ZFPM2: variants seen among roughly 807,000 people sequenced by gnomAD.
ZFPM2 encodes zinc finger protein, FOG family member 2, also known as zinc finger protein ZFPM2.
A neutral mutation model predicts 98.6 loss-of-function variants in ZFPM2; 20 were observed. That is an observed-to-expected ratio of 0.20 (90% confidence interval 0.14 to 0.29). ZFPM2 has a LOEUF of 0.29. Among genes scored for constraint, ZFPM2 ranks in the 10% least tolerant of loss-of-function variants. The pLI is 1.00. For synonymous variants in ZFPM2, 518 were observed against 502.7 expected (o/e 1.03, Z -0.41); for missense variants, 1,310 against 1,388.6 (o/e 0.94, Z 0.90).
At chr8:105,586,461 C>T (rs1290567615) in intron 4 of ZFPM2, among the ~76,000 whole-genome samples, 5 of 151,912 alleles carry the variant, frequency 3.3e-5, no homozygotes, top group Non-Finnish European at 5.9e-5. Context: ...CTCATTCTGT[C>T]GCCCAGGCTG....
intron 3 of ZFPM2, among the ~76,000 whole-genome samples, chr8:105,536,089 T>A (rs1485267727): frequency 1.3e-5 from 2 of 152,152 alleles, no homozygotes; most frequent in African/African-American, 2.4e-5. Context: ...TGAAATCACA[T>A]TATAGTTTAA....
rs112325895 is a variant in ZFPM2, at chr8:105,762,630, G to A, written c.533-26088G>A. ...AATGGAGTTTCTATTCAGGAGTGTC[G>A]TTCATATAAATATTTTTGCACATTT... On this transcript the variant is annotated intron_variant, in intron 5 of 7. Transcript: ENST00000407775. Among the ~76,000 whole-genome samples, 1,068 of 151,958 alleles carry A rather than the reference G, an allele frequency of 7.0e-3. 13 individuals carry two copies. Among genetic ancestry groups the A allele is most frequent in the African/African-American group, 0.024 (991 of 41,482 alleles).
intron 3 of ZFPM2, among the ~76,000 whole-genome samples, chr8:105,451,968 A>T (rs1271965309): frequency 6.6e-6 from 1 of 152,202 alleles, no homozygotes; most frequent in East Asian, 1.9e-4. Flanking sequence ...AAAAGACTGG[A>T]TAAAGGAAAA....
At chr8:105,337,073 C>A (rs2129645797) in intron 1 of ZFPM2, among the ~76,000 whole-genome samples, 1 of 151,814 alleles carries the variant, frequency 6.6e-6, no homozygotes, top group South Asian at 2.1e-4. Context: ...TTTGGATGAC[C>A]TGAACACATA....
chr8:105,378,987 G>A (rs1810786005), intron 1 of ZFPM2, among the ~76,000 whole-genome samples: 1 of 152,122 alleles, frequency 6.6e-6, no homozygotes, highest in Non-Finnish European at 1.5e-5. Flanking sequence ...TAGGTAAATA[G>A]GTAGAGATAT....
At chr8:105,769,237 GA>G (rs1305370228) in intron 5 of ZFPM2, among the ~76,000 whole-genome samples, 4 of 151,918 alleles carry the variant, frequency 2.6e-5, no homozygotes, top group African/African-American at 9.7e-5. Context: ...ACATTTATAT[GA>G]AAATAAAAGT....
intron 1 of ZFPM2, among the ~76,000 whole-genome samples, chr8:105,332,626 A>G (rs1183495637): frequency 2.6e-5 from 4 of 151,784 alleles, no homozygotes; most frequent in African/African-American, 9.6e-5. Flanking sequence ...TCTCCCTTCA[A>G]TTAGTGCATT....
intron 6 of ZFPM2, among the ~76,000 whole-genome samples, chr8:105,790,411 A>T (rs919905961): frequency 1.2e-4 from 18 of 152,242 alleles, no homozygotes; most frequent in Middle Eastern, 3.4e-3. Context: ...GATATGCGGC[A>T]TTATTTCTGA....
intron 5 of ZFPM2, among the ~76,000 whole-genome samples, chr8:105,705,458 T>C (rs1416599900): frequency 1.3e-5 from 2 of 152,130 alleles, no homozygotes; most frequent in African/African-American, 2.4e-5. Context: ...ATTCTACCTA[T>C]CAGGGAAGGG....
Position 105,801,111 on chromosome 8 carries a change from T to C in ZFPM2, c.1029T>C (p.Thr343=). 1 of 1,613,966 alleles carries C rather than the reference T, an allele frequency of 6.2e-7. No individual in the cohort carries two copies. The highest frequency in any genetic ancestry group is 1.1e-5 in the South Asian group (1 of 91,074). Residue 343 remains threonine (T), a synonymous_variant, in exon 8 of 8, where the codon ACT becomes ACC. Coordinates refer to ENST00000407775, the MANE Select transcript of ZFPM2 (RefSeq NM_012082.4). Reference sequence around the variant, plus strand: ...TAAAATGCACCGTCTGTAGCTACACTGCTGATTCCGTGATCAACTTTCACC... The same window carrying C: ...TAAAATGCACCGTCTGTAGCTACACCGCTGATTCCGTGATCAACTTTCACC... The part of the protein sequence containing the change: ...ASLKCTVCSY[T]ADSVINFHQH...
At chr8:105,454,475 G>A (rs759725100) in intron 3 of ZFPM2, among the ~76,000 whole-genome samples, 1 of 152,186 alleles carries the variant, frequency 6.6e-6, no homozygotes, top group Non-Finnish European at 1.5e-5. Flanking sequence ...ACAAGTGTGT[G>A]ATGTACTATG....
intron 5 of ZFPM2, among the ~76,000 whole-genome samples, chr8:105,741,980 G>A (rs553418016): frequency 2.0e-5 from 3 of 152,134 alleles, no homozygotes; most frequent in South Asian, 2.1e-4. Context: ...AGGGATATGC[G>A]GAGGTGAAGG....
chr8:105,651,375 GGAGAAT>G (rs1817171717), intron 5 of ZFPM2, among the ~76,000 whole-genome samples: 1 of 151,766 alleles, frequency 6.6e-6, no homozygotes, highest in East Asian at 1.9e-4. Flanking sequence ...GGCTGAGGCA[GGAGAAT>G]TGCTTGAACC....
chr8:105,801,674 G>A lies in ZFPM2; in HGVS notation c.1592G>A (p.Gly531Asp), dbSNP rs768867827. Reference sequence around the variant, plus strand: ...CTGGTGCATCGGCGACTGAGGCATGGCAGTAGTAGCTACCCTCCCGTCATT... The same window carrying A: ...CTGGTGCATCGGCGACTGAGGCATGACAGTAGTAGCTACCCTCCCGTCATT... ...SELVHRRLRH[G>D]SSSYPPVIYS... Residue 531 changes from glycine to aspartate, a missense_variant, in exon 8 of 8, where the codon GGC (glycine) becomes GAC (aspartate). Physicochemically the swap from Gly to Asp is moderately conservative, Grantham distance 94. Transcript: ENST00000407775. 5.8e-5 allele frequency: 93 copies of A among 1,613,466 alleles called. No individual in the cohort carries two copies. Among genetic ancestry groups the A allele is most frequent in the African/African-American group, 9.3e-5 (7 of 74,888 alleles).
chr8:105,354,788 A>C (rs1812709561), intron 1 of ZFPM2, among the ~76,000 whole-genome samples: 1 of 152,072 alleles, frequency 6.6e-6, no homozygotes, highest in South Asian at 2.1e-4. Flanking sequence ...CCCTGTCTCT[A>C]CTAAAAATAC....
intron 1 of ZFPM2, among the ~76,000 whole-genome samples, chr8:105,407,251 CTG>C (rs1386392986): frequency 6.6e-6 from 1 of 151,226 alleles, no homozygotes; most frequent in Admixed American, 6.6e-5. Flanking sequence ...GAAATAATAA[CTG>C]AACTAGAAAA....
chr8:105,487,360 C>G (rs903494980), intron 3 of ZFPM2, among the ~76,000 whole-genome samples: 2 of 152,144 alleles, frequency 1.3e-5, no homozygotes, highest in South Asian at 2.1e-4. Context: ...CTCAAGCTAT[C>G]CTCTTGCCTC....
At chr8:105,410,061 A>G (rs1377560760) in intron 1 of ZFPM2, among the ~76,000 whole-genome samples, 1 of 151,932 alleles carries the variant, frequency 6.6e-6, no homozygotes, top group Non-Finnish European at 1.5e-5. Flanking sequence ...CAGAATCAGA[A>G]TGGGTATTCT....
chr8:105,652,015 G>T (rs72673781), intron 5 of ZFPM2, among the ~76,000 whole-genome samples: 1 of 152,028 alleles, frequency 6.6e-6, no homozygotes, highest in African/African-American at 2.4e-5. Flanking sequence ...AGTCAGCATG[G>T]CAGTGTATAC....
Sources: gnomAD v4.1 joint callset for allele counts (sites outside exome capture counted in the v4.1 genomes callset) on GRCh38, gnomAD v4.1.1 for gene constraint, MANE v1.5 for transcripts, NCBI Gene and HGNC (gene_info 2026-07-23, HGNC 2026-07-21) for gene names.